NAALADL2: variants seen among roughly 807,000 people sequenced by gnomAD.
The protein encoded by NAALADL2 is N-acetylated alpha-linked acidic dipeptidase like 2, also known as inactive N-acetylated-alpha-linked acidic dipeptidase-like protein 2.
NAALADL2 carries 76 observed loss-of-function variants against 87.2 expected under a neutral mutation model. That is an observed-to-expected ratio of 0.87 (90% CI 0.72 to 1.05). The LOEUF is 1.05. NAALADL2 is among the 50% of genes least tolerant of loss of function. The probability of loss-of-function intolerance (pLI) is 0.00; values close to 1 mark genes in which losing one functional copy is unlikely to be tolerated. For synonymous variants in NAALADL2, 354 were observed against 331.0 expected (o/e 1.07, Z -0.75); for missense variants, 1,089 against 945.8 (o/e 1.15, Z -1.99).
At chr3:175,082,676 A>G (rs957115648) in intron 1 of NAALADL2, among the ~76,000 whole-genome samples, 9 of 152,226 alleles carry the variant, frequency 5.9e-5, no homozygotes, top group African/African-American at 1.4e-4. Flanking sequence ...AAGAATAACT[A>G]AAAATATTTT....
intron 2 of NAALADL2, among the ~76,000 whole-genome samples, chr3:175,228,386 C>G (rs1196032618): frequency 1.3e-5 from 2 of 151,890 alleles, no homozygotes; most frequent in Non-Finnish European, 2.9e-5. Flanking sequence ...TGTTATAGTG[C>G]ATTTCCATTT....
chr3:174,784,518 G>A (rs1448921054), intron 3 of NAALADL2, among the ~76,000 whole-genome samples: 1 of 152,076 alleles, frequency 6.6e-6, no homozygotes, highest in Non-Finnish European at 1.5e-5. Flanking sequence ...GAAATCAAAC[G>A]ATAAAAACCT....
At chr3:175,584,274 T>A (rs991012950) in intron 10 of NAALADL2, among the ~76,000 whole-genome samples, 5 of 152,060 alleles carry the variant, frequency 3.3e-5, no homozygotes, top group African/African-American at 4.8e-5. Context: ...TGACCTCAGG[T>A]CATCCACCCA....
At chr3:175,264,173 A>G (rs1034509903) in intron 4 of NAALADL2, among the ~76,000 whole-genome samples, 1 of 151,832 alleles carries the variant, frequency 6.6e-6, no homozygotes, top group African/African-American at 2.4e-5. Flanking sequence ...CTTCTACTTC[A>G]TAGTTATGTG....
intron 1 of NAALADL2, among the ~76,000 whole-genome samples, chr3:174,546,507 AC>A (rs1309868404): frequency 6.8e-6 from 1 of 146,752 alleles, no homozygotes; most frequent in African/African-American, 2.5e-5. Context: ...CACTTGCTGA[AC>A]CCCCCCAGGG....
At chr3:175,681,820 C>T (rs1582879830) in intron 11 of NAALADL2, among the ~76,000 whole-genome samples, 2 of 152,234 alleles carry the variant, frequency 1.3e-5, no homozygotes, top group East Asian at 3.9e-4. Context: ...TGCTTGAAGA[C>T]AGGGGCTGAT....
chr3:174,938,382 C>T (rs2861897), intron 1 of NAALADL2, among the ~76,000 whole-genome samples: 53,157 of 151,948 alleles, frequency 0.35, 11,402 homozygotes, highest in African/African-American at 0.59. Context: ...TGCATCGTAT[C>T]GCATGGTATA....
chr3:174,685,249 C>A (rs1335703284), intron 2 of NAALADL2, among the ~76,000 whole-genome samples: 2 of 152,080 alleles, frequency 1.3e-5, no homozygotes, highest in East Asian at 1.9e-4. Context: ...TCCTTCAGTT[C>A]TTTGCCTCTT....
intron 3 of NAALADL2, among the ~76,000 whole-genome samples, chr3:174,754,206 T>A (rs1320409646): frequency 6.6e-6 from 1 of 152,174 alleles, no homozygotes; most frequent in Non-Finnish European, 1.5e-5. Flanking sequence ...AATGAGAAAC[T>A]GGAAATACTA....
intron 9 of NAALADL2, among the ~76,000 whole-genome samples, chr3:175,533,289 A>C (rs1734348583): frequency 6.6e-6 from 1 of 152,214 alleles, no homozygotes; most frequent in Non-Finnish European, 1.5e-5. Context: ...AGTGTAGCAC[A>C]TCTCCTCATG....
intron 4 of NAALADL2, among the ~76,000 whole-genome samples, chr3:175,312,841 T>A (rs1758556543): frequency 6.6e-6 from 1 of 152,212 alleles, no homozygotes; most frequent in Non-Finnish European, 1.5e-5. Flanking sequence ...AAGTACTTGA[T>A]AATTTGACCT....
At chr3:174,837,294 G>T (rs1723446843) in intron 3 of NAALADL2, among the ~76,000 whole-genome samples, 1 of 152,172 alleles carries the variant, frequency 6.6e-6, no homozygotes, top group South Asian at 2.1e-4. Flanking sequence ...AGCTTAGTTA[G>T]AAATGAAACG....
Position 175,324,343 on chromosome 3 carries a change from C to T in NAALADL2, c.1090+18C>T, listed in dbSNP as rs760454291. ...AAGTGTCGGTAAGTTTGTTGGTCAT[C>T]ATTATTATACTTGTAAGTAAGCATT... On this transcript the variant is annotated intron_variant, in intron 5 of 13. Coordinates refer to ENST00000454872, the MANE Select transcript of NAALADL2 (RefSeq NM_207015.3). 6.2e-7 allele frequency: 1 copy of T among 1,600,314 alleles called. No homozygotes were observed. The highest frequency in any genetic ancestry group is 2.3e-5 in the East Asian group (1 of 44,366).
chr3:175,393,721 G>T (rs541601125), intron 5 of NAALADL2, among the ~76,000 whole-genome samples: 52 of 152,234 alleles, frequency 3.4e-4, no homozygotes, highest in African/African-American at 1.2e-3. Context: ...GAGTGTATTT[G>T]CTAAGAGAAA....
chr3:174,496,954 C>G (rs73052625), intron 1 of NAALADL2, among the ~76,000 whole-genome samples: 2,497 of 152,236 alleles, frequency 0.016, 70 homozygotes, highest in African/African-American at 0.058. Flanking sequence ...GATACCTTCT[C>G]TGTCCTAACC....
chr3:175,053,141 G>C (rs1379784851), intron 1 of NAALADL2, among the ~76,000 whole-genome samples: 6 of 152,188 alleles, frequency 3.9e-5, no homozygotes, highest in African/African-American at 1.4e-4. Flanking sequence ...TTTAGGAGCA[G>C]ATTTATTATG....
chr3:174,938,990 T>A (rs1038553358), intron 1 of NAALADL2, among the ~76,000 whole-genome samples: 7 of 152,132 alleles, frequency 4.6e-5, no homozygotes, highest in African/African-American at 1.7e-4. Flanking sequence ...ACTCTTTTGC[T>A]GTGCAGAAGC....
At chr3:175,392,786 T>C (rs1400526532) in intron 5 of NAALADL2, among the ~76,000 whole-genome samples, 2 of 152,166 alleles carry the variant, frequency 1.3e-5, no homozygotes, top group African/African-American at 4.8e-5. Flanking sequence ...ATTACAGAGC[T>C]GCTTCCTGAT....
At chr3:174,445,888 T>C (rs1451785660) in intron 1 of NAALADL2, among the ~76,000 whole-genome samples, 1 of 152,178 alleles carries the variant, frequency 6.6e-6, no homozygotes, top group African/African-American at 2.4e-5. Flanking sequence ...TTGTGCCTAA[T>C]TTTTTGTTTG....
Sources: allele counts gnomAD v4.1 joint callset (sites outside exome capture counted in the v4.1 genomes callset), GRCh38; gene constraint gnomAD v4.1.1; transcripts MANE v1.5; gene names NCBI Gene and HGNC (gene_info 2026-07-23, HGNC 2026-07-21).